Variants in WDPCP observed in about 807,000 individuals in gnomAD.
WDPCP encodes WD repeat-containing and planar cell polarity effector protein fritz homolog.
A neutral mutation model predicts 93.1 loss-of-function variants in WDPCP; 71 were observed. That is an observed-to-expected ratio of 0.76 (90% CI 0.63 to 0.93). The LOEUF (loss-of-function observed/expected upper bound fraction) is 0.93, where lower values mean the gene tolerates loss of function less well. Ranked by LOEUF, WDPCP falls within the 40% of genes least tolerant of loss-of-function variation. The pLI, the probability that WDPCP is intolerant of heterozygous loss-of-function variation, is 0.00. For synonymous variants in WDPCP, 315 were observed against 315.0 expected, an observed-to-expected ratio of 1.00 and a Z score of 0.00; for missense variants, 844 against 887.4, an observed-to-expected ratio of 0.95 and a Z score of 0.62.
intron 14 of WDPCP, among the ~76,000 whole-genome samples, chr2:63,184,853 G>A (rs745432357): frequency 2.6e-5 from 4 of 151,824 alleles, no homozygotes; most frequent in East Asian, 1.9e-4. Context: ...CCAATGATTC[G>A]TAAGTTTAGA....
intron 2 of WDPCP, among the ~76,000 whole-genome samples, chr2:63,670,529 A>C (rs1710332656): frequency 6.6e-6 from 1 of 152,180 alleles, no homozygotes; most frequent in Admixed American, 6.5e-5. Flanking sequence ...CCATGAGGGA[A>C]AATTACAGAC....
At chr2:63,771,399 C>T (rs573010463) in intron 2 of WDPCP, among the ~76,000 whole-genome samples, 30 of 151,808 alleles carry the variant, frequency 2.0e-4, no homozygotes, top group Admixed American at 5.9e-4. Flanking sequence ...TAATTTAAAA[C>T]CTTTCTCTGG....
At chr2:63,153,288 T>G (rs181326048) in intron 16 of WDPCP, among the ~76,000 whole-genome samples, 2 of 152,256 alleles carry the variant, frequency 1.3e-5, no homozygotes, top group African/African-American at 4.8e-5. Flanking sequence ...ATCTCCAAAT[T>G]TATCTATATT....
intron 2 of WDPCP, among the ~76,000 whole-genome samples, chr2:63,698,284 A>G (rs1269098813): frequency 6.6e-6 from 1 of 152,160 alleles, no homozygotes; most frequent in African/African-American, 2.4e-5. Context: ...AAATCAGCTC[A>G]ACAATTGTGA....
intron 17 of WDPCP, among the ~76,000 whole-genome samples, chr2:63,150,646 G>T (rs1000769989): frequency 3.9e-5 from 6 of 152,124 alleles, no homozygotes; most frequent in Admixed American, 3.9e-4. Flanking sequence ...TAGGTTTGTT[G>T]TGAGAATTAA....
intron 2 of WDPCP, among the ~76,000 whole-genome samples, chr2:63,733,408 TAGCC>T (rs1364577896): frequency 6.8e-6 from 1 of 147,218 alleles, no homozygotes; most frequent in Admixed American, 6.7e-5. Flanking sequence ...TTCACCTTGT[TAGCC>T]AGGATGGTCT....
chr2:63,351,028 C>G (rs1240339728), intron 12 of WDPCP, among the ~76,000 whole-genome samples: 4 of 151,766 alleles, frequency 2.6e-5, no homozygotes, highest in African/African-American at 9.7e-5. Flanking sequence ...GTTGCCCAGG[C>G]TAGAGTGCAA....
intron 2 of WDPCP, among the ~76,000 whole-genome samples, chr2:63,777,966 G>T (rs1268240904): frequency 6.6e-6 from 1 of 152,168 alleles, no homozygotes; most frequent in Admixed American, 6.5e-5. Context: ...CTGTATAGAT[G>T]ATTCTGGTAA....
chr2:63,602,934 C>CTTTTG (rs1709452776), intron 3 of WDPCP, among the ~76,000 whole-genome samples: 3 of 131,538 alleles, frequency 2.3e-5, no homozygotes, highest in Non-Finnish European at 5.0e-5. Context: ...TTTAACCGTT[C>CTTTTG]TTTTTTTTTT....
intron 14 of WDPCP, among the ~76,000 whole-genome samples, chr2:63,190,100 G>A (rs183723715): frequency 6.6e-6 from 1 of 151,780 alleles, no homozygotes; most frequent in African/African-American, 2.4e-5. Context: ...GGGGAGAGGG[G>A]GCAGAAAAAA....
intron 1 of WDPCP, among the ~76,000 whole-genome samples, chr2:63,551,959 C>CTTT (rs36189794): frequency 8.2e-6 from 1 of 122,320 alleles, no homozygotes; most frequent in African/African-American, 3.1e-5. Flanking sequence ...CTTTCATTTT[C>CTTT]TTTTTTTTTT....
At chr2:63,714,054 T>C (rs928647228) in intron 2 of WDPCP, among the ~76,000 whole-genome samples, 1 of 150,424 alleles carries the variant, frequency 6.6e-6, no homozygotes, top group Non-Finnish European at 1.5e-5. Flanking sequence ...TCTTTTTTAT[T>C]CTTTTTTTTT....
chr2:63,736,967 A>G (rs1014215902), intron 2 of WDPCP, among the ~76,000 whole-genome samples: 1 of 152,146 alleles, frequency 6.6e-6, no homozygotes, highest in Non-Finnish European at 1.5e-5. Flanking sequence ...GAAAAAAAAA[A>G]CCATATATTA....
At chr2:63,823,380 C>T (rs1255875951) in intron 1 of WDPCP, among the ~76,000 whole-genome samples, 1 of 151,888 alleles carries the variant, frequency 6.6e-6, no homozygotes, top group African/African-American at 2.4e-5. Context: ...GTTGCACGCA[C>T]CTGTAGTCCC....
chr2:63,344,520 C>T (rs1315118340), intron 12 of WDPCP, among the ~76,000 whole-genome samples: 1 of 152,268 alleles, frequency 6.6e-6, no homozygotes, highest in Middle Eastern at 3.4e-3. Flanking sequence ...TGGTGTTGTA[C>T]ACAATTCACT....
chr2:63,582,342 GC>G (rs1342329897), intron 1 of WDPCP, among the ~76,000 whole-genome samples: 1 of 152,046 alleles, frequency 6.6e-6, no homozygotes, highest in Non-Finnish European at 1.5e-5. Flanking sequence ...TGAAAACCTA[GC>G]AACAGAAACT....
chr2:63,734,484 T>A lies in WDPCP; in HGVS notation n.308+79138A>T, dbSNP rs1430516690. 5.9e-5 allele frequency among the ~76,000 whole-genome samples: 9 copies of A among 152,254 alleles called. No individual in the cohort carries two copies. In the East Asian group the frequency reaches 1.5e-3, roughly 26 times the overall value. Reference sequence around the variant, plus strand: ...CATTTTCCATCGAATGGCTGCTCTTTGCCAAAAAAATAAATTAATTAATTA... The same window carrying A: ...CATTTTCCATCGAATGGCTGCTCTTAGCCAAAAAAATAAATTAATTAATTA... On this transcript the variant is annotated intron_variant and non_coding_transcript_variant, in intron 2 of 4. Transcript: ENST00000467687.
chr2:63,208,917 T>C (rs1191464433), intron 14 of WDPCP, among the ~76,000 whole-genome samples: 1 of 152,174 alleles, frequency 6.6e-6, no homozygotes, highest in African/African-American at 2.4e-5. Context: ...CATTATTATT[T>C]CATAGGTATA....
At chr2:63,651,042 A>C (rs1370866546) in intron 2 of WDPCP, among the ~76,000 whole-genome samples, 1 of 152,192 alleles carries the variant, frequency 6.6e-6, no homozygotes, top group Non-Finnish European at 1.5e-5. Context: ...ACTTGAGACC[A>C]TTATCAATAA....
Sources: allele counts gnomAD v4.1 joint callset (sites outside exome capture counted in the v4.1 genomes callset), GRCh38; gene constraint gnomAD v4.1.1; transcripts MANE v1.5; gene names NCBI Gene and HGNC (gene_info 2026-07-23, HGNC 2026-07-21).